PRKG1: variants seen among roughly 807,000 people sequenced by gnomAD.
PRKG1 encodes protein kinase cGMP-dependent 1.
A neutral mutation model predicts 88.1 loss-of-function variants in PRKG1; 35 were observed. The observed-to-expected ratio is 0.40, with a 90% confidence interval of 0.30 to 0.53. The LOEUF is 0.53. PRKG1 is among the 20% of genes least tolerant of loss of function. The probability of loss-of-function intolerance (pLI) is 0.59; values close to 1 mark genes in which losing one functional copy is unlikely to be tolerated. For missense variants in PRKG1, 540 were observed against 839.8 expected (o/e 0.64, Z 4.41); for synonymous variants, 303 against 292.5 (o/e 1.04, Z -0.37).
intron 5 of PRKG1, among the ~76,000 whole-genome samples, chr10:52,024,688 C>T (rs1845287841): frequency 6.6e-6 from 1 of 152,122 alleles, no homozygotes; most frequent in South Asian, 2.1e-4. Context: ...CATAGTATTC[C>T]ATGGTGTATA....
intron 2 of PRKG1, among the ~76,000 whole-genome samples, chr10:51,272,359 G>A (rs190728179): frequency 2.6e-5 from 4 of 151,274 alleles, no homozygotes; most frequent in African/African-American, 9.8e-5. Context: ...CTTATCGTGG[G>A]GTGGGGGGCT....
intron 14 of PRKG1, among the ~76,000 whole-genome samples, chr10:52,284,329 A>AAT (rs910721121): frequency 6.6e-6 from 1 of 151,964 alleles, no homozygotes; most frequent in African/African-American, 2.4e-5. Flanking sequence ...TTTTACCATA[A>AAT]ATATATATAT....
At position 51,299,898 on chromosome 10, in the gene PRKG1, C is replaced by T. The variant is rs111566459; in HGVS notation, c.478+146568C>T. 4.0e-3 allele frequency among the ~76,000 whole-genome samples: 613 copies of T among 152,266 alleles called. 6 individuals are homozygous for T. Among genetic ancestry groups the T allele is most frequent in the Non-Finnish European group, 6.6e-3 (452 of 68,018 alleles). On this transcript the variant is annotated intron_variant, in intron 2 of 17. Transcript: ENST00000373980. Reference sequence around the variant, plus strand: ...AAAGAACTTCAAGAAAATTAGAATGCCATGAGTCATGCATTTCCTGGTACT... The same window carrying T: ...AAAGAACTTCAAGAAAATTAGAATGTCATGAGTCATGCATTTCCTGGTACT...
intron 3 of PRKG1, among the ~76,000 whole-genome samples, chr10:51,669,759 A>G (rs1005907756): frequency 3.7e-4 from 57 of 152,294 alleles, no homozygotes; most frequent in African/African-American, 1.3e-3. Context: ...CCTTTTTTAA[A>G]AAAATAATTC....
chr10:51,714,454 C>T (rs959565115), intron 3 of PRKG1, among the ~76,000 whole-genome samples: 11 of 151,598 alleles, frequency 7.3e-5, no homozygotes, highest in African/African-American at 2.7e-4. Flanking sequence ...TTTATGACAA[C>T]GAAAATAGTA....
intron 2 of PRKG1, among the ~76,000 whole-genome samples, chr10:51,246,887 G>A (rs1252158337): frequency 6.6e-6 from 1 of 151,946 alleles, no homozygotes; most frequent in Non-Finnish European, 1.5e-5. Flanking sequence ...CCTTGGGAAA[G>A]GTATGTTATA....
intron 3 of PRKG1, among the ~76,000 whole-genome samples, chr10:51,760,050 A>G (rs999974983): frequency 2.0e-5 from 3 of 152,212 alleles, no homozygotes; most frequent in South Asian, 2.1e-4. Context: ...CCAGCCCATT[A>G]TATCTTACTT....
At chr10:51,781,450 C>T (rs1838586448) in intron 3 of PRKG1, among the ~76,000 whole-genome samples, 2 of 152,060 alleles carry the variant, frequency 1.3e-5, no homozygotes. Context: ...CCCAGATTAC[C>T]TTTTTATAAA....
intron 4 of PRKG1, among the ~76,000 whole-genome samples, chr10:51,882,175 G>A (rs898437748): frequency 6.6e-6 from 1 of 152,136 alleles, no homozygotes; most frequent in Admixed American, 6.5e-5. Flanking sequence ...AACAAAAGGA[G>A]CTCATTAGCC....
chr10:51,699,057 T>C (rs1410816320), intron 3 of PRKG1: 1 of 1,614,098 alleles, frequency 6.2e-7, no homozygotes, highest in Admixed American at 1.7e-5. Context: ...AGTTGTGGAT[T>C]TTGAAGTAAC....
chr10:52,164,061 G>C (rs1046804712), intron 9 of PRKG1, among the ~76,000 whole-genome samples: 2 of 152,024 alleles, frequency 1.3e-5, no homozygotes. Flanking sequence ...AAATTATAAA[G>C]GTTATAAAAA....
chr10:51,799,115 G>C (rs576916340), intron 3 of PRKG1, among the ~76,000 whole-genome samples: 6 of 151,974 alleles, frequency 3.9e-5, no homozygotes, highest in Admixed American at 1.3e-4. Context: ...CTCTCTCTCT[G>C]TCTCTATTTC....
chr10:51,125,917 A>G (rs1479038612), intron 1 of PRKG1, among the ~76,000 whole-genome samples: 2 of 134,478 alleles, frequency 1.5e-5, no homozygotes, highest in African/African-American at 5.6e-5. Flanking sequence ...TGTAATTTAT[A>G]AATATATAAA....
Position 51,358,022 on chromosome 10 carries a change from G to A in PRKG1, c.479-109701G>A, listed in dbSNP as rs545551473. ...TATCCATTGTTTCATAATAAATTAC[G>A]CCAAAACTTAGTGGCTTAAAACAGC... On this transcript the variant is annotated intron_variant, in intron 2 of 17. Coordinates refer to ENST00000373980, the MANE Select transcript of PRKG1 (RefSeq NM_006258.4). Among the ~76,000 whole-genome samples, 535 of 151,552 alleles carry A rather than the reference G, an allele frequency of 3.5e-3. 1 individual carries two copies. The highest frequency in any genetic ancestry group is 4.2e-3 in the South Asian group (20 of 4,804).
intron 4 of PRKG1, among the ~76,000 whole-genome samples, chr10:51,886,210 A>G (rs1841564271): frequency 6.6e-6 from 1 of 152,160 alleles, no homozygotes; most frequent in South Asian, 2.1e-4. Flanking sequence ...GATACTTAAT[A>G]TGTATTTTAC....
chr10:52,291,376 G>A (rs1258899155), intron 17 of PRKG1, among the ~76,000 whole-genome samples: 1 of 150,170 alleles, frequency 6.7e-6, no homozygotes, highest in African/African-American at 2.4e-5. Flanking sequence ...TTTAGCATTA[G>A]GTGTATCTCC....
chr10:51,229,926 CAAAAAAAAAAAA>C (rs35300789), intron 2 of PRKG1, among the ~76,000 whole-genome samples: 1 of 33,588 alleles, frequency 3.0e-5, no homozygotes, highest in Non-Finnish European at 7.0e-5. Flanking sequence ...GAGGCGATCT[CAAAAAAAAAAAA>C]AAAAAAAAAA....
chr10:51,441,796 G>A (rs1341501929), intron 2 of PRKG1, among the ~76,000 whole-genome samples: 1 of 151,938 alleles, frequency 6.6e-6, no homozygotes, highest in Non-Finnish European at 1.5e-5. Context: ...TAAAGGAATT[G>A]TTCTCCTGAG....
Position 51,628,122 on chromosome 10 carries a change from CTCTTTCTTTCTTTCTTTCTTTCTT to C in PRKG1, c.592+160304_592+160327del, listed in dbSNP as rs11269617. 7.8e-4 allele frequency among the ~76,000 whole-genome samples: 91 copies of C among 116,892 alleles called. 1 individual carries two copies. The highest frequency in any genetic ancestry group is 1.2e-3 in the Non-Finnish European group (71 of 58,056). 76.7% of individuals were successfully genotyped at this position (116,892 alleles called of 152,430 possible). ...CCTTTCTTTCTTTCCTTCTTTATTT[CTCTTTCTTTCTTTCTTTCTTTCTT>C]TCTTTCTTTCTTTCTTTATTTATTT... On this transcript the variant is annotated intron_variant, in intron 3 of 17. Coordinates refer to ENST00000373980, the MANE Select transcript of PRKG1 (RefSeq NM_006258.4).
Sources: gnomAD v4.1 joint callset for allele counts (sites outside exome capture counted in the v4.1 genomes callset) on GRCh38, gnomAD v4.1.1 for gene constraint, MANE v1.5 for transcripts, NCBI Gene and HGNC (gene_info 2026-07-23, HGNC 2026-07-21) for gene names.